FER1L6: variants seen among roughly 807,000 people sequenced by gnomAD.
The protein encoded by FER1L6 is fer-1-like protein 6.
FER1L6 carries 177 observed loss-of-function variants against 219.2 expected under a neutral mutation model. The ratio of observed to expected loss-of-function variants is 0.81; its 90% CI spans 0.71 to 0.91. The LOEUF is 0.91. Among genes scored for constraint, FER1L6 ranks in the 40% least tolerant of loss-of-function variants. The pLI, the probability that FER1L6 is intolerant of heterozygous loss-of-function variation, is 0.00. For synonymous variants in FER1L6, 768 were observed against 824.3 expected, an observed-to-expected ratio of 0.93 and a Z score of 1.17; for missense variants, 2,153 against 2,259.9, an observed-to-expected ratio of 0.95 and a Z score of 0.96.
rs1429762913 is a variant in FER1L6, at chr8:123,966,141, C to G, written c.253-18C>G. On this transcript the variant is annotated intron_variant, in intron 4 of 40. Transcript: ENST00000522917. ...ATGGCGGTGTCCGGAATGGTGTCCA[C>G]ACTGCTTTGTGTTGCAGATTGCCAT... is the stretch of plus-strand genomic sequence containing the variant. The G allele has an allele frequency of 1.2e-6, 2 of 1,613,840 alleles. No homozygotes were observed. The highest frequency in any genetic ancestry group is 1.7e-6 in the Non-Finnish European group (2 of 1,179,970).
chr8:123,883,337 C>T (rs1055264566), intron 1 of FER1L6, among the ~76,000 whole-genome samples: 4 of 151,966 alleles, frequency 2.6e-5, no homozygotes, highest in African/African-American at 7.3e-5. Flanking sequence ...GAAGTGGGGG[C>T]AAAAAAGCAT....
intron 1 of FER1L6, among the ~76,000 whole-genome samples, chr8:123,859,964 T>A (rs1464436359): frequency 7.7e-6 from 1 of 130,654 alleles, no homozygotes; most frequent in African/African-American, 2.7e-5. Context: ...TTTATTATTA[T>A]TATTACTATT....
chr8:123,906,289 G>T (rs914269485), intron 1 of FER1L6, among the ~76,000 whole-genome samples: 1 of 152,160 alleles, frequency 6.6e-6, no homozygotes, highest in Non-Finnish European at 1.5e-5. Context: ...GTATGGTGTA[G>T]TAAGAAGTAT....
At chr8:124,032,554 C>A (rs1328566550) in intron 18 of FER1L6, among the ~76,000 whole-genome samples, 1 of 152,042 alleles carries the variant, frequency 6.6e-6, no homozygotes, top group East Asian at 1.9e-4. Flanking sequence ...CATGGTGAAA[C>A]CCCATCTCTA....
At chr8:123,922,019 T>C (rs1016616123) in intron 1 of FER1L6, among the ~76,000 whole-genome samples, 2 of 152,238 alleles carry the variant, frequency 1.3e-5, no homozygotes, top group Non-Finnish European at 1.5e-5. Flanking sequence ...TGAAACAGTC[T>C]GGCCAGTTTA....
intron 2 of FER1L6, among the ~76,000 whole-genome samples, chr8:123,958,221 G>A (rs371903565): frequency 4.1e-4 from 63 of 152,290 alleles, no homozygotes; most frequent in African/African-American, 1.4e-3. Context: ...TGGATGGTCC[G>A]AGGGGAGGAC....
At position 124,118,933 on chromosome 8, in the gene FER1L6, G is replaced by A; in HGVS notation, c.5379G>A (p.Leu1793=). 6.2e-7 allele frequency: 1 copy of A among 1,613,086 alleles called. No homozygotes were observed. The highest frequency in any genetic ancestry group is 8.5e-7 in the Non-Finnish European group (1 of 1,179,728). Residue 1793 remains leucine, a synonymous_variant, in exon 40 of 41, where the codon CTG becomes CTA. Coordinates refer to ENST00000522917, the MANE Select transcript of FER1L6 (RefSeq NM_001039112.2). ...VGKARKEPEP[L]AKPNRPDTSF... ...AAGCCCGAAAGGAGCCAGAGCCCCT[G>A]GCCAAGCCCAAGTGAGTGGAGTTGC...
intron 12 of FER1L6, among the ~76,000 whole-genome samples, chr8:123,987,894 G>A (rs1816669482): frequency 1.3e-5 from 2 of 151,994 alleles, no homozygotes; most frequent in South Asian, 2.1e-4. Context: ...GGCGGATCAC[G>A]AGGTCAGGAG....
chr8:124,106,939 GTTTTC>G (rs1822800589), intron 39 of FER1L6, among the ~76,000 whole-genome samples: 1 of 112,528 alleles, frequency 8.9e-6, no homozygotes. Flanking sequence ...AGATTATAAG[GTTTTC>G]TTTTTTTTTT....
chr8:123,906,773 C>T (rs1404390738), intron 1 of FER1L6, among the ~76,000 whole-genome samples: 2 of 150,918 alleles, frequency 1.3e-5, no homozygotes, highest in Admixed American at 6.6e-5. Context: ...GCACTCTAGC[C>T]TGCTGGGTAA....
At chr8:123,888,271 C>G (rs1438923843) in intron 1 of FER1L6, among the ~76,000 whole-genome samples, 6 of 151,998 alleles carry the variant, frequency 3.9e-5, no homozygotes, top group Non-Finnish European at 8.8e-5. Context: ...TGCATACCAC[C>G]ACACCTGGCT....
chr8:123,872,122 C>T (rs1816934393), intron 1 of FER1L6, among the ~76,000 whole-genome samples: 1 of 152,022 alleles, frequency 6.6e-6, no homozygotes, highest in South Asian at 2.1e-4. Flanking sequence ...GAGTGAGGTG[C>T]CACATACTTT....
rs574080518 is a variant in FER1L6, at chr8:124,043,381, T to C, written c.2590-2386T>C. On this transcript the variant is annotated intron_variant, in intron 20 of 40. Coordinates refer to ENST00000522917, the MANE Select transcript of FER1L6 (RefSeq NM_001039112.2). ...CCAGAGTTATTTGATTCTAAAGCTA[T>C]ACTCTGTCCATGACAGCTGGCTCCA... 3.9e-5 allele frequency among the ~76,000 whole-genome samples: 6 copies of C among 152,338 alleles called. No homozygotes were observed. The South Asian group carries it at 1.0e-3, about 26-fold the overall frequency.
chr8:124,037,196 C>T (rs370325634), intron 19 of FER1L6, among the ~76,000 whole-genome samples: 2 of 152,326 alleles, frequency 1.3e-5, no homozygotes, highest in East Asian at 3.9e-4. Flanking sequence ...GCTTGTGTGG[C>T]TGCCATTGGG....
At chr8:123,898,842 C>CAT (rs200889411) in intron 1 of FER1L6, among the ~76,000 whole-genome samples, 5 of 89,278 alleles carry the variant, frequency 5.6e-5, no homozygotes, top group Non-Finnish European at 1.1e-4. Context: ...TATATACATA[C>CAT]ATATATACAC....
rs765058225 is a variant in FER1L6 at position 124,119,616 on chromosome 8, C to T, written c.5400C>T (p.Asp1800=). 6.2e-7 allele frequency: 1 copy of T among 1,611,758 alleles called. No homozygotes were observed. Residue 1800 remains aspartate (D), a synonymous_variant, in exon 41 of 41, where the codon GAC becomes GAT. Coordinates refer to ENST00000522917, the MANE Select transcript of FER1L6 (RefSeq NM_001039112.2). ...PEPLAKPNRP[D]TSFSWFMSPF... ...CTTCCTTCCCCCTCAGCCGCCCAGACACCTCCTTTTCGTGGTTCATGAGCC... is the reference window on the plus strand; with the variant it reads ...CTTCCTTCCCCCTCAGCCGCCCAGATACCTCCTTTTCGTGGTTCATGAGCC...
At chr8:124,104,920 C>T (rs1822702718) in intron 39 of FER1L6, among the ~76,000 whole-genome samples, 2 of 152,122 alleles carry the variant, frequency 1.3e-5, no homozygotes, top group Admixed American at 6.5e-5. Flanking sequence ...ATGAGTAATA[C>T]AGACAAGGTC....
chr8:123,980,410 C>T, intron 10 of FER1L6, 55 bp from the exon 11 acceptor site: 1 of 1,400,388 alleles, frequency 7.1e-7, no homozygotes, highest in South Asian at 1.4e-5. Context: ...TGAATGTGTG[C>T]AACTTTTATA....
chr8:123,867,539 A>C (rs1217895385), intron 1 of FER1L6, among the ~76,000 whole-genome samples: 6 of 152,188 alleles, frequency 3.9e-5, no homozygotes, highest in African/African-American at 1.4e-4. Context: ...TATCTGTGTG[A>C]TGCTGGGCAA....
Sources: allele counts gnomAD v4.1 joint callset (sites outside exome capture counted in the v4.1 genomes callset), GRCh38; gene constraint gnomAD v4.1.1; transcripts MANE v1.5; gene names NCBI Gene and HGNC (gene_info 2026-07-23, HGNC 2026-07-21).